The following IMMP2L variants were observed in gnomAD, a reference collection of about 807,000 sequenced individuals.
IMMP2L encodes the protein mitochondrial inner membrane protease subunit 2.
IMMP2L carries 18 observed loss-of-function variants against 19.3 expected under a neutral mutation model. That is an observed-to-expected ratio of 0.93 (90% CI 0.64 to 1.38). The LOEUF (loss-of-function observed/expected upper bound fraction) is 1.38. Ranked by LOEUF, IMMP2L falls within the 40% of genes most tolerant of loss-of-function variation. The pLI is 0.00. For synonymous variants in IMMP2L, 76 were observed against 73.0 expected, an observed-to-expected ratio of 1.04 and a Z score of -0.21; for missense variants, 233 against 218.2, an observed-to-expected ratio of 1.07 and a Z score of -0.43.
At chr7:111,453,272 G>A (rs931926277) in intron 3 of IMMP2L, among the ~76,000 whole-genome samples, 14 of 152,038 alleles carry the variant, frequency 9.2e-5, no homozygotes, top group East Asian at 5.8e-4. Flanking sequence ...CAGTGTCTTC[G>A]CAGTTTCCTG....
Position 111,217,203 on chromosome 7 carries a change from C to T in IMMP2L, c.240-253638G>A, listed in dbSNP as rs150001554. ...AATGTTCCTGGTTAGGAATATTTTT[C>T]TCTGTTCTGCAATCTGTAGTAATTC... On this transcript the variant is annotated intron_variant, in intron 3 of 5. Transcript: ENST00000405709. Among the ~76,000 whole-genome samples, 646 of 151,428 alleles carry T rather than the reference C, an allele frequency of 4.3e-3. 4 individuals carry two copies. The highest frequency in any genetic ancestry group is 0.015 in the African/African-American group (625 of 41,160).
At chr7:111,064,117 C>G (rs1794279409) in intron 3 of IMMP2L, among the ~76,000 whole-genome samples, 1 of 152,174 alleles carries the variant, frequency 6.6e-6, no homozygotes, top group African/African-American at 2.4e-5. Flanking sequence ...ATTGGACTCA[C>G]AGCTCCACGT....
chr7:111,217,126 T>TCACA (rs1315821493), intron 3 of IMMP2L, among the ~76,000 whole-genome samples: 8 of 124,070 alleles, frequency 6.4e-5, no homozygotes, highest in African/African-American at 2.2e-4. Context: ...TCTCTCTCTC[T>TCACA]CACACACACA....
At chr7:111,350,333 T>C (rs1292723698) in intron 3 of IMMP2L, among the ~76,000 whole-genome samples, 1 of 140,776 alleles carries the variant, frequency 7.1e-6, no homozygotes, top group Non-Finnish European at 1.5e-5. Context: ...TTACATATCA[T>C]CAAGCTTGCA....
At chr7:110,920,659 TC>T (rs1486376035) in intron 4 of IMMP2L, among the ~76,000 whole-genome samples, 1 of 152,230 alleles carries the variant, frequency 6.6e-6, no homozygotes, top group Non-Finnish European at 1.5e-5. Flanking sequence ...TTACCAAGCT[TC>T]TATGTATCAT....
At chr7:111,417,513 A>G (rs1835067045) in intron 3 of IMMP2L, among the ~76,000 whole-genome samples, 1 of 151,784 alleles carries the variant, frequency 6.6e-6, no homozygotes, top group Non-Finnish European at 1.5e-5. Flanking sequence ...CCCTTTCCCA[A>G]CTGTGCTAAC....
intron 5 of IMMP2L, among the ~76,000 whole-genome samples, chr7:110,817,009 A>G (rs910450163): frequency 2.0e-5 from 3 of 152,146 alleles, no homozygotes; most frequent in Non-Finnish European, 2.9e-5. Flanking sequence ...TCCTGTCATT[A>G]TGATGTTAGC....
At chr7:111,483,262 A>G (rs1447112867) in intron 3 of IMMP2L, among the ~76,000 whole-genome samples, 2 of 152,200 alleles carry the variant, frequency 1.3e-5, no homozygotes, top group Non-Finnish European at 2.9e-5. Flanking sequence ...CTTTATTATG[A>G]AAGAACCTCT....
chr7:110,898,321 T>A (rs1811525779), intron 4 of IMMP2L, among the ~76,000 whole-genome samples: 1 of 152,066 alleles, frequency 6.6e-6, no homozygotes, highest in Admixed American at 6.6e-5. Context: ...TTTTTCCCTC[T>A]GAGACTGAAT....
intron 3 of IMMP2L, among the ~76,000 whole-genome samples, chr7:111,342,066 C>T (rs1213783270): frequency 6.6e-6 from 1 of 151,862 alleles, no homozygotes; most frequent in Non-Finnish European, 1.5e-5. Flanking sequence ...ACAAAACAGG[C>T]CAAGACAGGT....
intron 4 of IMMP2L, among the ~76,000 whole-genome samples, chr7:110,961,544 G>T (rs960496584): frequency 6.6e-6 from 1 of 151,122 alleles, no homozygotes; most frequent in African/African-American, 2.4e-5. Context: ...GATACAGAGG[G>T]CCAACTGTAT....
intron 5 of IMMP2L, among the ~76,000 whole-genome samples, chr7:110,689,359 AT>A (rs1222525389): frequency 1.3e-5 from 2 of 151,898 alleles, no homozygotes; most frequent in East Asian, 1.9e-4. Context: ...TCTATTTTCC[AT>A]TTTTTTATTC....
At chr7:111,537,527 CTTTTTTTTTTTTTT>C (rs5886594) in intron 1 of IMMP2L, among the ~76,000 whole-genome samples, 2 of 78,554 alleles carry the variant, frequency 2.5e-5, no homozygotes, top group Non-Finnish European at 4.7e-5. Context: ...ATCACTTCCA[CTTTTTTTTTTTTTT>C]TTTTTTTTTT....
chr7:111,010,828 G>A (rs748916531), intron 3 of IMMP2L, among the ~76,000 whole-genome samples: 14 of 151,978 alleles, frequency 9.2e-5, no homozygotes, highest in African/African-American at 2.9e-4. Flanking sequence ...TGTTTTGGCC[G>A]GAGAAAGGAC....
chr7:110,922,957 T>C (rs560559310), intron 4 of IMMP2L, among the ~76,000 whole-genome samples: 9 of 152,280 alleles, frequency 5.9e-5, no homozygotes, highest in African/African-American at 9.6e-5. Context: ...AACAATTAGA[T>C]TGGTTGTTTC....
chr7:110,780,625 A>C (rs923127177), intron 5 of IMMP2L, among the ~76,000 whole-genome samples: 2 of 151,538 alleles, frequency 1.3e-5, no homozygotes, highest in African/African-American at 4.8e-5. Flanking sequence ...ACTCACCTCT[A>C]TGTTCCCCTC....
intron 4 of IMMP2L, among the ~76,000 whole-genome samples, chr7:110,928,156 C>T (rs1815064962): frequency 6.6e-6 from 1 of 151,790 alleles, no homozygotes; most frequent in Non-Finnish European, 1.5e-5. Flanking sequence ...CAACAAACCC[C>T]TAAAACAGAT....
chr7:110,783,408 G>A (rs1029146935), intron 5 of IMMP2L, among the ~76,000 whole-genome samples: 13 of 151,982 alleles, frequency 8.6e-5, no homozygotes, highest in African/African-American at 3.1e-4. Flanking sequence ...TAAGTAATCT[G>A]TTCTTTCTAG....
intron 5 of IMMP2L, among the ~76,000 whole-genome samples, chr7:110,816,542 A>T (rs1217628404): frequency 6.6e-6 from 1 of 151,642 alleles, no homozygotes; most frequent in African/African-American, 2.4e-5. Context: ...TGTCTCGTTG[A>T]TCTGTCTAAT....
Sources: gnomAD v4.1 joint callset for allele counts (sites outside exome capture counted in the v4.1 genomes callset) on GRCh38, gnomAD v4.1.1 for gene constraint, MANE v1.5 for transcripts, NCBI Gene and HGNC (gene_info 2026-07-23, HGNC 2026-07-21) for gene names.